Variants in RET observed in about 807,000 individuals in gnomAD.
The protein encoded by RET is proto-oncogene tyrosine-protein kinase receptor Ret.
A neutral mutation model predicts 118.3 loss-of-function variants in RET; 19 were observed. The observed-to-expected ratio is 0.16, with a 90% CI of 0.11 to 0.24. RET has a LOEUF of 0.24. Ranked by LOEUF, RET falls within the 10% of genes least tolerant of loss-of-function variation. The pLI is 1.00. For synonymous variants in RET, 597 were observed against 644.1 expected, an observed-to-expected ratio of 0.93 and a Z score of 1.11; for missense variants, 1,219 against 1,502.1, an observed-to-expected ratio of 0.81 and a Z score of 3.12.
Position 43,077,187 on chromosome 10 carries a change from G to A in RET, c.-72G>A. 7.2e-7 allele frequency: 1 copy of A among 1,396,696 alleles called. No individual in the cohort carries two copies. The highest frequency in any genetic ancestry group is 1.5e-5 in the African/African-American group (1 of 66,772). The allele number at this position is 1,396,696 out of a possible 1,614,324, so 86.5% of individuals were successfully genotyped here. On this transcript the variant is annotated 5_prime_UTR_variant, in exon 1 of 20. Coordinates refer to ENST00000355710, the MANE Select transcript of RET (RefSeq NM_020975.6). ...CGGGGATGGGGCGGCCAGACTGAGC[G>A]CCGCACCCGCCATCCAGACCCGCCG... is the stretch of plus-strand genomic sequence containing the variant.
intron 1 of RET, among the ~76,000 whole-genome samples, chr10:43,089,307 C>T (rs1174760167): frequency 2.0e-5 from 3 of 152,232 alleles, no homozygotes; most frequent in African/African-American, 7.2e-5. Flanking sequence ...ACACATTCAT[C>T]TCTCCAAAAG....
rs1485690948 is a variant in RET, at chr10:43,109,218, C to G, written c.1251C>G (p.Arg417=). 1.2e-6 allele frequency: 2 copies of G among 1,613,040 alleles called. No homozygotes were observed. Among genetic ancestry groups the G allele is most frequent in the South Asian group, 1.1e-5 (1 of 91,068 alleles). ...CCCTCTCCGTGAGCAGGAGGGCTCG[C>G]CGATTTGCCCAGGTGAGCCCATACC... ...TYSLSVSRRA[R]RFAQIGKVCV... The change falls in exon 6 of 20, where the codon CGC becomes CGG. Residue 417 remains arginine, a synonymous_variant. Transcript: ENST00000355710.
At chr10:43,097,130 T>C (rs1837538072) in intron 1 of RET, among the ~76,000 whole-genome samples, 1 of 152,178 alleles carries the variant, frequency 6.6e-6, no homozygotes, top group Non-Finnish European at 1.5e-5. Context: ...GAAGGCCCGT[T>C]CTCCCCTGCA....
At chr10:43,120,953 AAC>A (rs1838203951) in intron 15 of RET, among the ~76,000 whole-genome samples, 4 of 151,500 alleles carry the variant, frequency 2.6e-5, no homozygotes, top group Admixed American at 6.6e-5. Flanking sequence ...GAAAAAAAAA[AAC>A]CACAAAAGGC....
intron 1 of RET, among the ~76,000 whole-genome samples, chr10:43,094,568 G>T (rs1467271275): frequency 2.0e-5 from 3 of 152,150 alleles, no homozygotes. Context: ...CCATGCCATG[G>T]CAAGGGTGAC....
chr10:43,109,184 G>A lies in RET; in HGVS notation c.1217G>A (p.Ser406Asn), dbSNP rs2132746297. ...SVLPVSLHLPSTYSLSVSRRA... is the reference protein window; with the variant it reads ...SVLPVSLHLPNTYSLSVSRRA... ...CTGCCGGTCAGCCTGCACCTGCCCA[G>A]TACCTACTCCCTCTCCGTGAGCAGG... Residue 406 changes from serine to asparagine, a missense_variant, in exon 6 of 20, where the codon AGT becomes AAT. Physicochemically the swap from Ser to Asn is conservative, Grantham distance 46. Coordinates refer to ENST00000355710, the MANE Select transcript of RET (RefSeq NM_020975.6). 1 of 1,613,844 alleles carries A rather than the reference G, an allele frequency of 6.2e-7. No individual in the cohort carries two copies. Among genetic ancestry groups the A allele is most frequent in the African/African-American group, 1.3e-5 (1 of 75,068 alleles).
intron 19 of RET, chr10:43,127,180 C>A (rs1435531516): frequency 9.2e-7 from 1 of 1,092,088 alleles, no homozygotes; most frequent in Non-Finnish European, 1.1e-6. Flanking sequence ...CCCTCCTGGG[C>A]AGGCAGGTGC....
At chr10:43,102,202 A>C (rs1200888829) in intron 2 of RET, 140 bp from the exon 3 acceptor site, 1 of 1,045,612 alleles carries the variant, frequency 9.6e-7, no homozygotes, top group East Asian at 2.5e-5. Flanking sequence ...TGGCAGGCAG[A>C]GCTGGAACAC....
intron 18 of RET, among the ~76,000 whole-genome samples, chr10:43,125,869 A>G (rs1407279380): frequency 2.6e-5 from 4 of 152,212 alleles, no homozygotes; most frequent in Non-Finnish European, 5.9e-5. Context: ...AGTCCTGAGA[A>G]TGCAGCGTTG....
In RET at chr10:43,120,460, C is replaced by T. The variant is rs2435353; in HGVS notation, c.2730+257C>T. 0.17 allele frequency among the ~76,000 whole-genome samples: 26,524 copies of T among 152,240 alleles called. 2,820 individuals carry two copies. Among genetic ancestry groups the T allele is most frequent in the East Asian group, 0.23 (1,194 of 5,178 alleles). On this transcript the variant is annotated intron_variant, in intron 15 of 19. Transcript: ENST00000355710. ...CAGCATACTGACCCGAGGCCCTTGC[C>T]GCACTTTTCAGAGGCCACCTCATGC...
At chr10:43,104,412 G>A (rs1208696792) in intron 3 of RET, among the ~76,000 whole-genome samples, 1 of 152,170 alleles carries the variant, frequency 6.6e-6, no homozygotes, top group Non-Finnish European at 1.5e-5. Flanking sequence ...AGCTACTCGG[G>A]AGGCTGAGGC....
intron 1 of RET, among the ~76,000 whole-genome samples, chr10:43,086,958 C>G (rs1287206854): frequency 6.6e-6 from 1 of 152,262 alleles, no homozygotes; most frequent in Non-Finnish European, 1.5e-5. Context: ...TCCCAAACCT[C>G]AGCCATGCCT....
rs945554370 is a variant in RET at position 43,121,817 on chromosome 10, G to GT, written c.2731-128dup. 2.8e-5 allele frequency: 21 copies of GT among 759,406 alleles called. No individual in the cohort carries two copies. The African/African-American group carries it at 3.1e-4, about 11-fold the overall frequency. 47.0% of individuals were successfully genotyped at this position (759,406 alleles called of 1,614,324 possible). A position where few individuals can be genotyped will look rare whatever the true frequency, so the allele number is the denominator to read the frequency against. ...TTCAAAGATGTGTGTGGCCAGTTCT[G>GT]TGCCCAGGAGTGTCTACAGCACTCC... On this transcript the variant is annotated intron_variant, in intron 15 of 19. Coordinates refer to ENST00000355710, the MANE Select transcript of RET (RefSeq NM_020975.6).
rs573118596 is a variant in RET, at chr10:43,088,286, AGGT to A, written c.73+10964_73+10966del. On this transcript the variant is annotated intron_variant, in intron 1 of 19. Coordinates refer to ENST00000355710, the MANE Select transcript of RET (RefSeq NM_020975.6). ...ATGGTATTAGTGAAGGTGATGGTGA[AGGT>A]GGTGGTGGAGGTCATGATGGTGAAG... Among the ~76,000 whole-genome samples, 27 of 133,906 alleles carry A rather than the reference AGGT, an allele frequency of 2.0e-4. No individual in the cohort carries two copies. The Middle Eastern group carries it at 0.013, about 63-fold the overall frequency. 87.8% of individuals were successfully genotyped at this position (133,906 alleles called of 152,430 possible). A position where few individuals can be genotyped will look rare whatever the true frequency, so the allele number is the denominator to read the frequency against.
rs747844360 is a variant in RET, at chr10:43,112,853, G to A, written c.1649G>A (p.Gly550Glu). Residue 550 changes from glycine to glutamate, a missense_variant and splice_region_variant, in exon 9 of 20, where the codon GGG becomes GAG. Gly to Glu is a moderately conservative substitution (Grantham distance 98). Coordinates refer to ENST00000355710, the MANE Select transcript of RET (RefSeq NM_020975.6). ...RCEWRQGDGK[G>E]ITRNFSTCSP... is the part of the protein sequence containing the mutation. ...ACAGCCTGCTGTGTGTCCTGTGCAGGGATCACCAGGAACTTCTCCACCTGC... is the reference window on the plus strand; with the variant it reads ...ACAGCCTGCTGTGTGTCCTGTGCAGAGATCACCAGGAACTTCTCCACCTGC... 6 of 1,612,912 alleles carry A rather than the reference G, an allele frequency of 3.7e-6. No individual in the cohort carries two copies. The Admixed American group carries it at 8.3e-5, about 22-fold the overall frequency.
In RET at chr10:43,106,029, A is replaced by C. The variant is rs1014549322; in HGVS notation, c.868-347A>C. Among the ~76,000 whole-genome samples the C allele has an allele frequency of 6.6e-6, 1 of 152,090 alleles. No individual in the cohort carries two copies. Among genetic ancestry groups the C allele is most frequent in the African/African-American group, 2.4e-5 (1 of 41,426 alleles). On this transcript the variant is annotated intron_variant, in intron 4 of 19. Coordinates refer to ENST00000355710, the MANE Select transcript of RET (RefSeq NM_020975.6). This position sits in a 1 kb window ranked among gnomAD's most constrained non-coding sequence, Gnocchi z 5.1. ...ACCTGACCTTCACCCTGTGGGGCCC[A>C]GCTTCCTCAGGGGAGAGTGGAGGTG...
chr10:43,095,247 C>T (rs1025759230), intron 1 of RET, among the ~76,000 whole-genome samples: 2 of 152,078 alleles, frequency 1.3e-5, no homozygotes, highest in Admixed American at 1.3e-4. Context: ...GCATCAGTGC[C>T]GAGGGATTGC....
chr10:43,111,296 G>A lies in RET; in HGVS notation c.1353G>A (p.Thr451=), dbSNP rs201568301. The A allele has an allele frequency of 1.1e-5, 18 of 1,614,048 alleles. No individual in the cohort carries two copies. The highest frequency in any genetic ancestry group is 2.2e-5 in the South Asian group (2 of 91,094). The change falls in exon 7 of 20, where the codon ACG becomes ACA. Residue 451 remains threonine, a synonymous_variant. Transcript: ENST00000355710. ...KLHSSGANCS[T]LGVVTSAEDT... is the part of the protein sequence containing the mutation. ...ATTCCTCTGGTGCCAACTGCAGCAC[G>A]CTAGGGGTGGTCACCTCAGCCGAGG...
At chr10:43,099,435 C>T (rs938937454) in intron 1 of RET, among the ~76,000 whole-genome samples, 3 of 151,774 alleles carry the variant, frequency 2.0e-5, no homozygotes, top group African/African-American at 7.3e-5. Context: ...CGCTTGAACC[C>T]GGGAGGTGGA....
Sources: allele counts gnomAD v4.1 joint callset (sites outside exome capture counted in the v4.1 genomes callset), GRCh38; gene constraint gnomAD v4.1.1; non-coding constraint Gnocchi (gnomAD v3.1); transcripts MANE v1.5; gene names NCBI Gene and HGNC (gene_info 2026-07-23, HGNC 2026-07-21).